Variants in RASSF8 observed in about 807,000 individuals in gnomAD.
The protein encoded by RASSF8 is Ras association domain family member 8, also known as ras association domain-containing protein 8.
Under a neutral mutation model 48.5 loss-of-function variants are expected in RASSF8, and 22 were observed. That is an observed-to-expected ratio of 0.45 (90% CI 0.32 to 0.65). RASSF8 has a LOEUF of 0.65. Ranked by LOEUF, RASSF8 falls within the 30% of genes least tolerant of loss-of-function variation. RASSF8 has a pLI of 0.03. For missense variants in RASSF8, 418 were observed against 489.2 expected (o/e 0.85, Z 1.37); for synonymous variants, 127 against 171.5 (o/e 0.74, Z 2.03).
intron 2 of RASSF8, among the ~76,000 whole-genome samples, chr12:26,003,911 T>A (rs1942322284): frequency 6.6e-6 from 1 of 152,160 alleles, no homozygotes; most frequent in South Asian, 2.1e-4. Context: ...GTGCGGTGGC[T>A]CATGCATGTA....
At chr12:26,065,487 A>G (rs1591818434) in intron 4 of RASSF8, 100 bp downstream of exon 4, 2 of 1,415,774 alleles carry the variant, frequency 1.4e-6, no homozygotes, top group East Asian at 4.6e-5. Context: ...TATTCAAAGA[A>G]TTAGAAACCC....
At position 26,068,685 on chromosome 12, in the gene RASSF8, T is replaced by C. The variant is rs767993198; in HGVS notation, c.1139-12T>C. ...CGAGCTCATCAGGTGGCTCTCTTTG[T>C]TTCCTGTTTAGAGGCACCATTCCAG... On this transcript the variant is annotated splice_polypyrimidine_tract_variant and intron_variant, in intron 5 of 5. Transcript: ENST00000689635. 1 of 1,534,266 alleles carries C rather than the reference T, an allele frequency of 6.5e-7. No individual in the cohort carries two copies. Among genetic ancestry groups the C allele is most frequent in the South Asian group, 1.2e-5 (1 of 83,978 alleles).
At position 26,071,686 on chromosome 12, in the gene RASSF8, G is replaced by T. The variant is rs1591824763; in HGVS notation, c.*2868G>T. On this transcript the variant is annotated 3_prime_UTR_variant, in exon 6 of 6. Coordinates refer to ENST00000689635, the MANE Select transcript of RASSF8 (RefSeq NM_001394098.1). ...TTTTTATAATATGAGACTTCAGTTGGTATTAATAGGAGTTACCTATTTAAT... is the reference window on the plus strand; with the variant it reads ...TTTTTATAATATGAGACTTCAGTTGTTATTAATAGGAGTTACCTATTTAAT... 1 of 982,498 alleles carries T rather than the reference G, an allele frequency of 1.0e-6. No homozygotes were observed. The highest frequency in any genetic ancestry group is 1.2e-6 in the Non-Finnish European group (1 of 827,442). The allele number at this position is 982,498 out of a possible 1,614,324, so 60.9% of individuals were successfully genotyped here.
chr12:25,961,277 C>T (rs563539804), intron 1 of RASSF8, among the ~76,000 whole-genome samples: 7 of 152,002 alleles, frequency 4.6e-5, no homozygotes, highest in Non-Finnish European at 1.0e-4. Flanking sequence ...TGGCTTTGCT[C>T]CTTTATTATA....
rs144198620 is a variant in RASSF8 at position 26,010,436 on chromosome 12, A to G, written c.-109+15306A>G. On this transcript the variant is annotated intron_variant, in intron 2 of 5. Coordinates refer to ENST00000689635, the MANE Select transcript of RASSF8 (RefSeq NM_001394098.1). ...CACGAAGTAGAAGGAGGCATTGCCCAGGGTCATGCAGGCCCAGTGCCAGCA... is the reference window on the plus strand; with the variant it reads ...CACGAAGTAGAAGGAGGCATTGCCCGGGGTCATGCAGGCCCAGTGCCAGCA... Among the ~76,000 whole-genome samples, 11 of 152,274 alleles carry G rather than the reference A, an allele frequency of 7.2e-5. No homozygotes were observed. In the East Asian group the frequency reaches 2.1e-3, roughly 29 times the overall value.
At chr12:25,984,174 C>T (rs1262282069) in intron 1 of RASSF8, among the ~76,000 whole-genome samples, 1 of 151,828 alleles carries the variant, frequency 6.6e-6, no homozygotes, top group Non-Finnish European at 1.5e-5. Context: ...AATCCTCCTG[C>T]CTCAGCCTCC....
intron 2 of RASSF8, among the ~76,000 whole-genome samples, chr12:26,024,494 G>A (rs1028123844): frequency 6.6e-6 from 1 of 152,148 alleles, no homozygotes; most frequent in African/African-American, 2.4e-5. Flanking sequence ...CTGATACCAA[G>A]ACCAGACAAA....
chr12:26,017,996 G>T (rs1300361912), intron 2 of RASSF8, among the ~76,000 whole-genome samples: 1 of 152,246 alleles, frequency 6.6e-6, no homozygotes, highest in Non-Finnish European at 1.5e-5. Context: ...TAGTTTGTGA[G>T]ATCACGTGAT....
intron 3 of RASSF8, among the ~76,000 whole-genome samples, chr12:26,060,313 T>C (rs2137273217): frequency 6.6e-6 from 1 of 152,332 alleles, no homozygotes; most frequent in African/African-American, 2.4e-5. Context: ...TAACTATGGT[T>C]TGAATGCACA....
At chr12:26,049,619 A>G (rs143484709) in intron 2 of RASSF8, among the ~76,000 whole-genome samples, 3 of 152,316 alleles carry the variant, frequency 2.0e-5, no homozygotes, top group Non-Finnish European at 4.4e-5. Context: ...AACATTGTAT[A>G]TGGTCGAAAA....
At chr12:26,079,116 A>G (rs1944096122) in exon 6 of RASSF8, 1 of 1,415,572 alleles carries the variant, frequency 7.1e-7, no homozygotes, top group African/African-American at 1.4e-5. Context: ...AAAATGAACA[A>G]GTGGGACTAC....
In RASSF8 at chr12:26,070,642, T is replaced by G. The variant is rs1283364693; in HGVS notation, c.*1824T>G. On this transcript the variant is annotated 3_prime_UTR_variant, in exon 6 of 6. Transcript: ENST00000689635. ...GATGATTAAAAAATAATTTATAGAT[T>G]TTGTGACAGTAATGATTTACATATG... The G allele has an allele frequency of 3.2e-6, 3 of 949,188 alleles. No individual in the cohort carries two copies. Among genetic ancestry groups the G allele is most frequent in the Non-Finnish European group, 3.8e-6 (3 of 797,232 alleles). 58.8% of individuals were successfully genotyped at this position (949,188 alleles called of 1,614,324 possible). A position where few individuals can be genotyped will look rare whatever the true frequency, so the allele number is the denominator to read the frequency against.
At chr12:26,023,318 AAGATAAACACAAAG>A (rs1463325141) in intron 2 of RASSF8, among the ~76,000 whole-genome samples, 8 of 152,232 alleles carry the variant, frequency 5.3e-5, no homozygotes, top group Admixed American at 5.2e-4. Flanking sequence ...ATTTCCAAGT[AAGATAAACACAAAG>A]AGACACATCA....
Position 26,001,787 on chromosome 12 carries a change from TA to T in RASSF8, c.-109+6668del, listed in dbSNP as rs548158554. On this transcript the variant is annotated intron_variant, in intron 2 of 5. Coordinates refer to ENST00000689635, the MANE Select transcript of RASSF8 (RefSeq NM_001394098.1). ...GCCTGAGGCTGTTTTACAGTTAACT[TA>T]AAAAAAAAAAGGAAGGAATACCCTT... is the stretch of plus-strand genomic sequence containing the variant. Among the ~76,000 whole-genome samples, 473 of 143,962 alleles carry T rather than the reference TA, an allele frequency of 3.3e-3. 2 individuals carry two copies. Among genetic ancestry groups the T allele is most frequent in the African/African-American group, 7.6e-3 (302 of 39,498 alleles). The allele number at this position is 143,962 out of a possible 152,430, so 94.4% of individuals were successfully genotyped here.
At chr12:26,030,075 T>G (rs1942996590) in intron 2 of RASSF8, among the ~76,000 whole-genome samples, 1 of 152,204 alleles carries the variant, frequency 6.6e-6, no homozygotes, top group Non-Finnish European at 1.5e-5. Context: ...TAAAGTATCT[T>G]TCTCTTGGGA....
chr12:25,981,315 T>C (rs1367576302), intron 1 of RASSF8, among the ~76,000 whole-genome samples: 2 of 152,050 alleles, frequency 1.3e-5, no homozygotes, highest in East Asian at 3.9e-4. Flanking sequence ...AGCATGCAGT[T>C]TATATAGCAT....
intron 1 of RASSF8, among the ~76,000 whole-genome samples, chr12:25,986,923 TTTTTTTG>T (rs753978639): frequency 1.3e-4 from 4 of 29,674 alleles, no homozygotes; most frequent in East Asian, 2.0e-3. Context: ...TACCGTTTTT[TTTTTTTG>T]TTTGTTTGTT....
chr12:26,058,283 G>C (rs185871039), intron 3 of RASSF8, among the ~76,000 whole-genome samples: 51 of 152,316 alleles, frequency 3.3e-4, no homozygotes, highest in Admixed American at 1.7e-3. Flanking sequence ...GCAAGTAGCC[G>C]AGAGCTGTGG....
At chr12:26,018,146 A>G (rs1294343306) in intron 2 of RASSF8, among the ~76,000 whole-genome samples, 1 of 152,178 alleles carries the variant, frequency 6.6e-6, no homozygotes, top group Non-Finnish European at 1.5e-5. Context: ...TTTCTGTGTC[A>G]CTATAAACAC....
Sources: gnomAD v4.1 joint callset for allele counts (sites outside exome capture counted in the v4.1 genomes callset) on GRCh38, gnomAD v4.1.1 for gene constraint, MANE v1.5 for transcripts, NCBI Gene and HGNC (gene_info 2026-07-23, HGNC 2026-07-21) for gene names.